Variants in LAMA2 observed in about 807,000 individuals in gnomAD.
The protein encoded by LAMA2 is laminin subunit alpha-2.
In LAMA2, 269 loss-of-function variants were observed where a neutral mutation model predicts 364.8. The observed-to-expected ratio is 0.74, with a 90% CI of 0.67 to 0.82. The LOEUF (loss-of-function observed/expected upper bound fraction) is 0.82. Among genes scored for constraint, LAMA2 ranks in the 40% least tolerant of loss-of-function variants. The pLI is 0.00. For synonymous variants in LAMA2, 1,379 were observed against 1,370.6 expected, an observed-to-expected ratio of 1.01 and a Z score of -0.14; for missense variants, 3,807 against 3,873.2, an observed-to-expected ratio of 0.98 and a Z score of 0.45.
chr6:129,154,735 A>AT, intron 8 of LAMA2, 52 bp downstream of exon 8: 1 of 1,416,412 alleles, frequency 7.1e-7, no homozygotes, highest in Non-Finnish European at 9.9e-7. Context: ...TTTTTCATAC[A>AT]AAAATGTTTT....
At chr6:129,039,844 G>A (rs1464636739) in intron 1 of LAMA2, among the ~76,000 whole-genome samples, 3 of 152,178 alleles carry the variant, frequency 2.0e-5, no homozygotes, top group Non-Finnish European at 4.4e-5. Context: ...GAGCTCAGGT[G>A]GTAATGCTTG....
At chr6:129,303,066 A>G (rs1194269029) in intron 22 of LAMA2, among the ~76,000 whole-genome samples, 4 of 152,170 alleles carry the variant, frequency 2.6e-5, no homozygotes, top group Non-Finnish European at 4.4e-5. Context: ...GCTTAAAAGT[A>G]TTAGATATCC....
intron 1 of LAMA2, among the ~76,000 whole-genome samples, chr6:128,997,751 C>T (rs971745887): frequency 6.6e-6 from 1 of 152,076 alleles, no homozygotes; most frequent in Non-Finnish European, 1.5e-5. Flanking sequence ...GCCAAGATTG[C>T]ACCATTGCAC....
intron 27 of LAMA2, among the ~76,000 whole-genome samples, chr6:129,317,364 T>C (rs1277597121): frequency 6.6e-6 from 1 of 152,180 alleles, no homozygotes; most frequent in Non-Finnish European, 1.5e-5. Context: ...AGTCTCTCAA[T>C]GGCCAACTAA....
At chr6:129,229,989 A>T (rs1262635948) in intron 12 of LAMA2, among the ~76,000 whole-genome samples, 1 of 152,202 alleles carries the variant, frequency 6.6e-6, no homozygotes, top group Non-Finnish European at 1.5e-5. Context: ...GGTCAGGAAC[A>T]TCTGAACTGA....
intron 15 of LAMA2, among the ~76,000 whole-genome samples, chr6:129,265,814 T>C (rs1441205625): frequency 6.6e-6 from 1 of 152,072 alleles, no homozygotes; most frequent in Non-Finnish European, 1.5e-5. Flanking sequence ...TGTATACCTA[T>C]GTAACAAACC....
intron 4 of LAMA2, among the ~76,000 whole-genome samples, chr6:129,142,411 T>C (rs144511785): frequency 6.6e-6 from 1 of 152,074 alleles, no homozygotes; most frequent in Non-Finnish European, 1.5e-5. Context: ...TGGCCTCTTT[T>C]TATTAGGTCA....
Position 129,297,820 on chromosome 6 carries a change from C to T in LAMA2, c.2992C>T (p.Arg998Cys), listed in dbSNP as rs778069038. 1.7e-5 allele frequency: 27 copies of T among 1,613,762 alleles called. No individual in the cohort carries two copies. The highest frequency in any genetic ancestry group is 8.0e-5 in the African/African-American group (6 of 74,880). Residue 998 changes from arginine (R) to cysteine (C), a missense_variant, in exon 21 of 65, where the codon CGC (arginine) becomes TGC (cysteine). Physicochemically the swap from Arg to Cys is radical, Grantham distance 180. This residue lies in a region of LAMA2 where 3,333 missense variants were observed against 3,345.7 expected (regional missense o/e 1.00). Coordinates refer to ENST00000421865, the MANE Select transcript of LAMA2 (RefSeq NM_000426.4). The stretch of plus-strand genomic sequence containing the variant: ...TGGAGTCACAGGGAAGAAATGTGAC[C>T]GCTGTGCCCACGGCTATTTCAACTT... ...QPGVTGKKCD[R>C]CAHGYFNFQE...
chr6:129,095,783 G>T (rs765148938), intron 3 of LAMA2, among the ~76,000 whole-genome samples: 2 of 151,620 alleles, frequency 1.3e-5, no homozygotes, highest in Admixed American at 6.6e-5. Flanking sequence ...AATTAGCCAG[G>T]CGCAGTGGCA....
chr6:128,986,064 T>C (rs1214825270), intron 1 of LAMA2, among the ~76,000 whole-genome samples: 2 of 152,218 alleles, frequency 1.3e-5, no homozygotes, highest in Non-Finnish European at 2.9e-5. Context: ...CCTTTAATGA[T>C]AACCAGTTTG....
At chr6:129,514,862 G>A (rs1331512820) in intron 64 of LAMA2, among the ~76,000 whole-genome samples, 1 of 152,134 alleles carries the variant, frequency 6.6e-6, no homozygotes, top group South Asian at 2.1e-4. Flanking sequence ...AATGAATTTG[G>A]CTTATAAAAG....
intron 1 of LAMA2, among the ~76,000 whole-genome samples, chr6:128,976,743 C>T (rs181238771): frequency 7.3e-4 from 111 of 152,176 alleles, no homozygotes; most frequent in African/African-American, 2.3e-3. Context: ...AAATATCATA[C>T]GAATCCTAAG....
At chr6:129,391,808 T>C (rs185540448) in intron 36 of LAMA2, among the ~76,000 whole-genome samples, 155 bp downstream of exon 36, 36 of 152,376 alleles carry the variant, frequency 2.4e-4, no homozygotes, top group Non-Finnish European at 4.0e-4. Flanking sequence ...TCTATCTATC[T>C]ATCTATCTAT....
chr6:129,157,747 TATA>T (rs1779201424), intron 8 of LAMA2: 1 of 1,612,398 alleles, frequency 6.2e-7, no homozygotes, highest in African/African-American at 1.3e-5. Context: ...GGTACCATGT[TATA>T]ATATGGCAAT....
chr6:129,091,856 T>A (rs1774850532), intron 3 of LAMA2, among the ~76,000 whole-genome samples: 2 of 152,232 alleles, frequency 1.3e-5, no homozygotes, highest in East Asian at 3.8e-4. Context: ...GATGCTTGAC[T>A]TAAACAAGTC....
chr6:129,467,358 G>C (rs147464809), intron 51 of LAMA2, among the ~76,000 whole-genome samples: 30 of 151,848 alleles, frequency 2.0e-4, no homozygotes, highest in Middle Eastern at 3.4e-3. Context: ...ACTCCAAAAG[G>C]GGGGAGGGAG....
At chr6:129,274,866 G>A (rs1053522100) in intron 17 of LAMA2, among the ~76,000 whole-genome samples, 1 of 151,918 alleles carries the variant, frequency 6.6e-6, no homozygotes, top group Non-Finnish European at 1.5e-5. Flanking sequence ...AAATATGAAA[G>A]AGACATGTGA....
At chr6:129,280,855 A>G (rs1788667254) in intron 18 of LAMA2, among the ~76,000 whole-genome samples, 1 of 152,174 alleles carries the variant, frequency 6.6e-6, no homozygotes, top group African/African-American at 2.4e-5. Context: ...AGCACTGGAA[A>G]TAGTCCCTGC....
intron 4 of LAMA2, among the ~76,000 whole-genome samples, chr6:129,125,798 T>C (rs1464148200): frequency 6.6e-6 from 1 of 152,166 alleles, no homozygotes; most frequent in African/African-American, 2.4e-5. Context: ...TTTCAAATGC[T>C]CTCATCATAA....
Sources: gnomAD v4.1 joint callset for allele counts (sites outside exome capture counted in the v4.1 genomes callset) on GRCh38, gnomAD v4.1.1 for gene constraint, gnomAD v4.1.1 regional missense constraint, MANE v1.5 for transcripts, NCBI Gene and HGNC (gene_info 2026-07-23, HGNC 2026-07-21) for gene names.